The following CATSPERT variants were observed in gnomAD, a reference collection of about 807,000 sequenced individuals.
The protein encoded by CATSPERT is cation channel sperm-associated targeting subunit tau.
chr2:201,494,126 T>C, the CATSPERT span: 1 of 1,533,942 alleles, frequency 6.5e-7, no homozygotes, highest in East Asian at 2.4e-5. Flanking sequence ...AAAATGTCTT[T>C]TTCTGAAAGC....
chr2:201,613,929 C>T, the CATSPERT span, among the ~76,000 whole-genome samples: 3 of 151,724 alleles, frequency 2.0e-5, no homozygotes, highest in South Asian at 4.2e-4. Context: ...CTTCAGTAGC[C>T]GATTTGATCA....
the CATSPERT span, among the ~76,000 whole-genome samples, chr2:201,539,135 A>G: frequency 6.6e-6 from 1 of 152,126 alleles, no homozygotes; most frequent in Admixed American, 6.6e-5. Flanking sequence ...ATACCTGTGC[A>G]TGTGTCTTTA....
the CATSPERT span, among the ~76,000 whole-genome samples, chr2:201,506,268 AAAACAAAC>A: frequency 1.5e-4 from 22 of 151,190 alleles, no homozygotes; most frequent in Middle Eastern, 3.5e-3. Flanking sequence ...CTCCGTCTCA[AAAACAAAC>A]AAACAAACAA....
the CATSPERT span, among the ~76,000 whole-genome samples, chr2:201,614,494 C>T: frequency 2.6e-5 from 4 of 152,174 alleles, no homozygotes. Flanking sequence ...AAATCCTTTA[C>T]AGACAAACAA....
chr2:201,555,693 C>G, the CATSPERT span: 1 of 152,126 alleles, frequency 6.6e-6, no homozygotes, highest in Non-Finnish European at 1.5e-5. Context: ...GAATTTATAG[C>G]TGAAATATGC....
chr2:201,592,975 A>G, the CATSPERT span, among the ~76,000 whole-genome samples: 1 of 151,440 alleles, frequency 6.6e-6, no homozygotes, highest in Non-Finnish European at 1.5e-5. Context: ...TTGTGTCTCT[A>G]TTTCCTTCAG....
chr2:201,491,610 G>A, the CATSPERT span: 2 of 1,537,062 alleles, frequency 1.3e-6, no homozygotes, highest in Non-Finnish European at 1.7e-6. Context: ...GAGTTAAAGT[G>A]CTACTTTGCC....
chr2:201,613,091 G>C, the CATSPERT span, among the ~76,000 whole-genome samples: 168 of 152,334 alleles, frequency 1.1e-3, no homozygotes, highest in African/African-American at 3.6e-3. Context: ...GCTCAAGGAG[G>C]CCTGCCTGCC....
the CATSPERT span, among the ~76,000 whole-genome samples, chr2:201,615,402 T>G: frequency 6.6e-6 from 1 of 152,128 alleles, no homozygotes; most frequent in African/African-American, 2.4e-5. Flanking sequence ...ATTAAGAAAC[T>G]CTCTCAAAAC....
chr2:201,588,160 C>A, the CATSPERT span, among the ~76,000 whole-genome samples: 1 of 152,002 alleles, frequency 6.6e-6, no homozygotes, highest in East Asian at 1.9e-4. Context: ...GCCAGCATCA[C>A]CCTGATGAAA....
chr2:201,519,752 C>G, the CATSPERT span, among the ~76,000 whole-genome samples: 1 of 151,782 alleles, frequency 6.6e-6, no homozygotes, highest in Non-Finnish European at 1.5e-5. Context: ...CTAGACCAAG[C>G]AGAATAAAAA....
chr2:201,535,348 T>C, the CATSPERT span: 1 of 980,110 alleles, frequency 1.0e-6, no homozygotes, highest in Non-Finnish European at 1.2e-6. Context: ...GAACTACCTG[T>C]AATAGTTATT....
the CATSPERT span, chr2:201,492,191 G>T: frequency 6.6e-7 from 1 of 1,520,776 alleles, no homozygotes; most frequent in East Asian, 2.5e-5. Context: ...TATTTATTTT[G>T]CTTTTCTGAA....
chr2:201,572,023 GA>G, the CATSPERT span: 1 of 1,605,784 alleles, frequency 6.2e-7, no homozygotes, highest in Non-Finnish European at 8.5e-7. Context: ...GGTTTTAACT[GA>G]AAAAAATGTA....
the CATSPERT span, among the ~76,000 whole-genome samples, chr2:201,586,100 C>T: frequency 1.3e-5 from 2 of 152,158 alleles, no homozygotes; most frequent in Admixed American, 1.3e-4. Context: ...GCTTTCTCTT[C>T]CCTATGATTT....
the CATSPERT span, chr2:201,555,104 A>C: frequency 6.6e-6 from 1 of 152,260 alleles, no homozygotes; most frequent in Non-Finnish European, 1.5e-5. Flanking sequence ...TTAATATAAT[A>C]CGAATTACTA....
the CATSPERT span, among the ~76,000 whole-genome samples, chr2:201,505,051 T>A: frequency 1.3e-5 from 2 of 152,176 alleles, no homozygotes; most frequent in East Asian, 1.9e-4. Context: ...GTCACCCTGG[T>A]ACTGGAACAC....
the CATSPERT span, chr2:201,491,266 A>G: frequency 3.3e-6 from 5 of 1,537,648 alleles, no homozygotes; most frequent in South Asian, 6.0e-5. Flanking sequence ...TAGTATCCTG[A>G]CTATCTTGTT....
the CATSPERT span, chr2:201,495,891 T>G: frequency 6.4e-7 from 1 of 1,565,370 alleles, no homozygotes; most frequent in Non-Finnish European, 8.7e-7. Context: ...AATTCAGGAC[T>G]CACCTGAAAT....
Sources: gnomAD v4.1 joint callset for allele counts (sites outside exome capture counted in the v4.1 genomes callset) on GRCh38, gnomAD v4.1.1 for gene constraint, MANE v1.5 for transcripts, NCBI Gene and HGNC (gene_info 2026-07-23, HGNC 2026-07-21) for gene names.